Variants in ADCY2 observed in about 807,000 individuals in gnomAD.
The protein encoded by ADCY2 is adenylate cyclase type 2.
Under a neutral mutation model 125.2 loss-of-function variants are expected in ADCY2, and 31 were observed. That is an observed-to-expected ratio of 0.25 (90% CI 0.19 to 0.33). The LOEUF is 0.33. Ranked by LOEUF, ADCY2 falls within the 10% of genes least tolerant of loss-of-function variation. ADCY2 has a pLI of 1.00. For missense variants in ADCY2, 904 were observed against 1,418.2 expected (o/e 0.64, Z 5.82); for synonymous variants, 512 against 548.4 (o/e 0.93, Z 0.93).
intron 14 of ADCY2, among the ~76,000 whole-genome samples, chr5:7,730,617 CTACTT>C (rs1742072062): frequency 6.6e-6 from 1 of 152,088 alleles, no homozygotes; most frequent in Admixed American, 6.6e-5. Flanking sequence ...ATTTCTTTAT[CTACTT>C]TATTTCACAG....
At chr5:7,444,206 C>G (rs1341009627) in intron 2 of ADCY2, among the ~76,000 whole-genome samples, 2 of 150,914 alleles carry the variant, frequency 1.3e-5, no homozygotes, top group African/African-American at 2.4e-5. Context: ...CTCCGCCTCC[C>G]GGGTTCACGC....
chr5:7,585,327 T>C (rs74832823), intron 3 of ADCY2, among the ~76,000 whole-genome samples: 1 of 152,314 alleles, frequency 6.6e-6, no homozygotes, highest in East Asian at 1.9e-4. Context: ...GGAAATCCAT[T>C]CCACACGTAT....
At chr5:7,766,272 C>T (rs539771218) in intron 16 of ADCY2, among the ~76,000 whole-genome samples, 27 of 152,028 alleles carry the variant, frequency 1.8e-4, no homozygotes, top group Non-Finnish European at 2.9e-4. Flanking sequence ...TGTATTGACT[C>T]ATTTAATGTT....
chr5:7,789,379 C>A (rs1174960261), intron 19 of ADCY2, among the ~76,000 whole-genome samples: 4 of 152,174 alleles, frequency 2.6e-5, no homozygotes, highest in Non-Finnish European at 5.9e-5. Context: ...TTGCAGGAAG[C>A]TTTAATGGCG....
intron 2 of ADCY2, among the ~76,000 whole-genome samples, chr5:7,503,802 A>G (rs1000001751): frequency 6.6e-6 from 1 of 152,242 alleles, no homozygotes; most frequent in Admixed American, 6.5e-5. Flanking sequence ...AGCACATTGC[A>G]TGGACACCTG....
intron 3 of ADCY2, among the ~76,000 whole-genome samples, chr5:7,539,508 A>G (rs920848434): frequency 7.9e-5 from 12 of 152,254 alleles, no homozygotes; most frequent in African/African-American, 2.9e-4. Context: ...TAGTCAAGTC[A>G]TGCATACTGT....
chr5:7,778,908 G>C (rs536975202), intron 18 of ADCY2, among the ~76,000 whole-genome samples: 1 of 152,098 alleles, frequency 6.6e-6, no homozygotes, highest in Non-Finnish European at 1.5e-5. Flanking sequence ...ACCTGAAATT[G>C]TTTTCATGTC....
intron 24 of ADCY2, among the ~76,000 whole-genome samples, chr5:7,822,330 C>T (rs963424520): frequency 2.0e-5 from 3 of 152,164 alleles, no homozygotes; most frequent in Admixed American, 1.3e-4. Flanking sequence ...ACACCCAAAT[C>T]CACTTAATAT....
intron 7 of ADCY2, among the ~76,000 whole-genome samples, chr5:7,700,719 CCACACACACACACACACACA>C (rs56197160): frequency 2.0e-5 from 2 of 98,258 alleles, no homozygotes; most frequent in African/African-American, 3.9e-5. Context: ...CTCGCACCCA[CCACACACACACACACACACA>C]CACACACACA....
intron 3 of ADCY2, among the ~76,000 whole-genome samples, chr5:7,616,125 G>A (rs9313200): frequency 1 from 152,328 of 152,332 alleles, 76,162 homozygotes; most frequent in Non-Finnish European, 1. Context: ...ATGATAAAAA[G>A]ATTAATGAGT....
intron 3 of ADCY2, among the ~76,000 whole-genome samples, chr5:7,572,461 G>A (rs1474863944): frequency 6.6e-6 from 1 of 151,944 alleles, no homozygotes; most frequent in Non-Finnish European, 1.5e-5. Flanking sequence ...TTTTGGGGGA[G>A]TGTCTGTTCA....
intron 15 of ADCY2, among the ~76,000 whole-genome samples, chr5:7,747,444 C>T (rs1421019500): frequency 6.6e-6 from 1 of 152,162 alleles, no homozygotes; most frequent in African/African-American, 2.4e-5. Context: ...AGCACTCCCT[C>T]ATCTCATGGA....
At position 7,757,689 on chromosome 5, in the gene ADCY2, C is replaced by T. The variant is rs1459908303; in HGVS notation, c.2094+103C>T. The T allele has an allele frequency of 4.7e-6, 7 of 1,489,614 alleles. No individual in the cohort carries two copies. The Admixed American group carries it at 8.6e-5, about 18-fold the overall frequency. The allele number at this position is 1,489,614 out of a possible 1,614,324, so 92.3% of individuals were successfully genotyped here. The stretch of plus-strand genomic sequence containing the variant: ...CACAGCCGTGTTCAACATGGTAAGC[C>T]CCACACCATAGCTGTGTTCAACATG... On this transcript the variant is annotated intron_variant, in intron 16 of 24. Coordinates refer to ENST00000338316, the MANE Select transcript of ADCY2 (RefSeq NM_020546.3).
At chr5:7,646,931 G>A (rs1386752991) in intron 4 of ADCY2, among the ~76,000 whole-genome samples, 3 of 152,124 alleles carry the variant, frequency 2.0e-5, no homozygotes, top group African/African-American at 7.2e-5. Context: ...GGTTTTATTT[G>A]GGAACACTTG....
chr5:7,619,786 T>G (rs901341072), intron 3 of ADCY2, among the ~76,000 whole-genome samples: 1 of 152,220 alleles, frequency 6.6e-6, no homozygotes, highest in African/African-American at 2.4e-5. Flanking sequence ...GTTGTTTTCT[T>G]CTATGGAGCC....
intron 4 of ADCY2, among the ~76,000 whole-genome samples, chr5:7,628,813 A>T (rs1280474993): frequency 6.6e-6 from 1 of 150,888 alleles, no homozygotes; most frequent in Non-Finnish European, 1.5e-5. Context: ...AGAAGAGATT[A>T]TCTTGGTTTA....
At chr5:7,630,495 T>G (rs1738278279) in intron 4 of ADCY2, among the ~76,000 whole-genome samples, 2 of 152,206 alleles carry the variant, frequency 1.3e-5, no homozygotes, top group African/African-American at 2.4e-5. Context: ...TGTATCAGAC[T>G]CCTATTGCTG....
intron 2 of ADCY2, among the ~76,000 whole-genome samples, chr5:7,491,748 C>G (rs1433307349): frequency 6.6e-6 from 1 of 151,956 alleles, no homozygotes; most frequent in Non-Finnish European, 1.5e-5. Flanking sequence ...TAATATGAAA[C>G]TAATTTTTTA....
chr5:7,595,504 G>A lies in ADCY2; in HGVS notation c.571-30663G>A, dbSNP rs143944020. On this transcript the variant is annotated intron_variant, in intron 3 of 24. Transcript: ENST00000338316. ...TGAACCTTCAAGGAACAACCATCCT[G>A]TTATTTTCTTTTATCTCACATATCT... 2.5e-4 allele frequency among the ~76,000 whole-genome samples: 38 copies of A among 152,216 alleles called. 1 individual carries two copies. The Middle Eastern group carries it at 0.014, about 54-fold the overall frequency.
Sources: allele counts gnomAD v4.1 joint callset (sites outside exome capture counted in the v4.1 genomes callset), GRCh38; gene constraint gnomAD v4.1.1; transcripts MANE v1.5; gene names NCBI Gene and HGNC (gene_info 2026-07-23, HGNC 2026-07-21).